The following FLG2 variants were observed in gnomAD, a reference collection of about 807,000 sequenced individuals.
The protein encoded by FLG2 is filaggrin-2.
FLG2 carries 7 observed loss-of-function variants against 3.9 expected under a neutral mutation model. The observed-to-expected ratio is 1.79, with a 90% CI of 1.02 to 3.36. The LOEUF is 3.36. Among genes scored for constraint, FLG2 ranks in the 30% most tolerant of loss-of-function variants. The pLI, the probability that FLG2 is intolerant of heterozygous loss-of-function variation, is 0.00. For synonymous variants in FLG2, 1,031 were observed against 1,056.1 expected (o/e 0.98, Z 0.46); for missense variants, 2,700 against 2,809.4 (o/e 0.96, Z 0.88).
In FLG2 at chr1:152,356,979, A is replaced by C. The variant is rs557532217; in HGVS notation, c.807T>G (p.Gly269=). 1.6e-4 allele frequency: 251 copies of C among 1,614,186 alleles called. 2 individuals are homozygous for C. The South Asian group carries it at 2.6e-3, about 16-fold the overall frequency. Residue 269 remains glycine, a synonymous_variant, in exon 3 of 3, where the codon GGT becomes GGG. Coordinates refer to ENST00000388718, the MANE Select transcript of FLG2 (RefSeq NM_001014342.3). ...REQKLGSSCS[G]SGDSGRRSHA... is the part of the protein sequence containing the mutation. The stretch of plus-strand genomic sequence containing the variant: ...GACTTCGCCTCCCACTGTCTCCTGA[A>C]CCTGAACAGCTAGACCCAAGCTTTT...
In FLG2 at chr1:152,353,698, G is replaced by A; in HGVS notation, c.4088C>T (p.Pro1363Leu). Residue 1363 changes from proline (P) to leucine (L), a missense_variant, in exon 3 of 3, where the codon CCA becomes CTA. Transcript: ENST00000388718. The part of the protein sequence containing the change: ...SEVHSGVSHR[P>L]HSQEQTHSQA... ...GCTGTGAGTTTGTTCTTGTGAGTGT[G>A]GTCTATGTGAGACCCCTGAGTGCAC... 6.2e-7 allele frequency: 1 copy of A among 1,613,648 alleles called. No homozygotes were observed. The highest frequency in any genetic ancestry group is 1.3e-5 in the African/African-American group (1 of 74,848).
intron 1 of FLG2, among the ~76,000 whole-genome samples, chr1:152,359,426 G>C (rs1168199183): frequency 3.3e-5 from 5 of 152,194 alleles, no homozygotes; most frequent in East Asian, 1.9e-4. Flanking sequence ...GCTCAAAATA[G>C]CTTGGTGTTT....
rs1157344157 is a variant in FLG2, at chr1:152,350,591, C to G, written c.*19G>C. On this transcript the variant is annotated 3_prime_UTR_variant, in exon 3 of 3. Coordinates refer to ENST00000388718, the MANE Select transcript of FLG2 (RefSeq NM_001014342.3). ...TTAGTTGCTTTGGATACTATAAGGT[C>G]AGAACTAGAAAATAACTGTCAATGT... The G allele has an allele frequency of 6.2e-7, 1 of 1,600,018 alleles. No individual in the cohort carries two copies.
At chr1:152,358,408 G>T (rs1048250750) in intron 2 of FLG2, among the ~76,000 whole-genome samples, 5 of 152,008 alleles carry the variant, frequency 3.3e-5, no homozygotes, top group Admixed American at 3.3e-4. Context: ...CTATGTAGAT[G>T]ATTTCCCTTT....
In FLG2 at chr1:152,356,445, A is replaced by G. The variant is rs1428619058; in HGVS notation, c.1341T>C (p.Cys447=). 1 of 1,614,130 alleles carries G rather than the reference A, an allele frequency of 6.2e-7. No homozygotes were observed. The highest frequency in any genetic ancestry group is 8.5e-7 in the Non-Finnish European group (1 of 1,180,048). The change falls in exon 3 of 3, where the codon TGT becomes TGC. Residue 447 remains cysteine, a synonymous_variant. Coordinates refer to ENST00000388718, the MANE Select transcript of FLG2 (RefSeq NM_001014342.3). ...GCTGGCCACAAGTTTGACCTGAGCCACATACATGTTGTTCGAACCCAGAGG... is the reference window on the plus strand; with the variant it reads ...GCTGGCCACAAGTTTGACCTGAGCCGCATACATGTTGTTCGAACCCAGAGG... ...SQSSGFEQHV[C]GSGQTCGQHE...
At position 152,355,301 on chromosome 1, in the gene FLG2, G is replaced by A. The variant is rs565867290; in HGVS notation, c.2485C>T (p.Gln829Ter). 2.5e-6 allele frequency: 4 copies of A among 1,613,276 alleles called. No homozygotes were observed. In the South Asian group the frequency reaches 4.4e-5, roughly 18 times the overall value. The change falls in exon 3 of 3, where the codon CAA becomes TAA. Residue 829 changes from glutamine to a stop codon, truncating the protein, a stop_gained. Transcript: ENST00000388718. LOFTEE classifies it low-confidence loss of function (END_TRUNC). ...TCATGCTGTCCAAAGCCAGAGGATTGTCCTGAGCCAGACCCATGTTGTCCA... is the reference window on the plus strand; with the variant it reads ...TCATGCTGTCCAAAGCCAGAGGATTATCCTGAGCCAGACCCATGTTGTCCA... The part of the protein sequence containing the change: ...GFGQHGSGSG[Q>*]SSGFGQHESR...
chr1:152,356,957 T>C lies in FLG2; in HGVS notation c.829A>G (p.Ser277Gly), dbSNP rs144255767. ...CSGSGDSGRR[S>G]HACGYSNSSG... ...GAATTGCTATAACCACATGCATGAC[T>C]TCGCCTCCCACTGTCTCCTGAACCT... Residue 277 changes from serine (S) to glycine (G), a missense_variant, in exon 3 of 3, where the codon AGT (serine) becomes GGT (glycine). Ser to Gly is a moderately conservative substitution (Grantham distance 56). Coordinates refer to ENST00000388718, the MANE Select transcript of FLG2 (RefSeq NM_001014342.3). The C allele has an allele frequency of 1.5e-5, 25 of 1,614,210 alleles. No homozygotes were observed. In the African/African-American group the frequency reaches 2.9e-4, roughly 19 times the overall value.
intron 2 of FLG2, 122 bp downstream of exon 2, chr1:152,358,625 A>C: frequency 1.1e-6 from 1 of 901,360 alleles, no homozygotes; most frequent in Non-Finnish European, 1.6e-6. Flanking sequence ...GCATCCCCAA[A>C]ATACCACTCA....
rs1653997709 is a variant in FLG2, at chr1:152,352,656, A to G, written c.5130T>C (p.His1710=). Residue 1710 remains histidine, a synonymous_variant, in exon 3 of 3, where the codon CAT becomes CAC. Coordinates refer to ENST00000388718, the MANE Select transcript of FLG2 (RefSeq NM_001014342.3). ...TGGACCCTGTCTGTGTGGTTAATCC[A>G]TGATGATAGTGGGCATGTCTAGTGG... The part of the protein sequence containing the change: ...GDTTRHAHYH[H]GLTTQTGSRT... The G allele has an allele frequency of 1.2e-6, 2 of 1,613,718 alleles. No individual in the cohort carries two copies. The highest frequency in any genetic ancestry group is 4.5e-5 in the East Asian group (2 of 44,832).
At position 152,354,379 on chromosome 1, in the gene FLG2, C is replaced by G. The variant is rs1316604101; in HGVS notation, c.3407G>C (p.Gly1136Ala). The change falls in exon 3 of 3, where the codon GGT (glycine) becomes GCT (alanine). Residue 1136 changes from glycine (G) to alanine (A), a missense_variant. Gly to Ala is a moderately conservative substitution (Grantham distance 60). Coordinates refer to ENST00000388718, the MANE Select transcript of FLG2 (RefSeq NM_001014342.3). ...ATGCTGTGCAAAGCCAGAGGATTTA[C>G]CTGTGCCTGACCCATGTTGTCCAAA... Reference protein sequence around the residue: ...SGFGQHGSGTGKSSGFAQHEY... With the variant: ...SGFGQHGSGTAKSSGFAQHEY... The G allele has an allele frequency of 6.2e-7, 1 of 1,613,996 alleles. No homozygotes were observed.
chr1:152,359,632 G>A (rs1654374317), intron 1 of FLG2, among the ~76,000 whole-genome samples: 1 of 152,166 alleles, frequency 6.6e-6, no homozygotes. Flanking sequence ...AACAGACCCA[G>A]CTGCCTCCCA....
chr1:152,355,063 G>A lies in FLG2; in HGVS notation c.2723C>T (p.Ser908Phe), dbSNP rs1490378859. Residue 908 changes from serine (S) to phenylalanine (F), a missense_variant, in exon 3 of 3, where the codon TCT becomes TTT. Transcript: ENST00000388718. ...TCTAGACTCATGTTGTCCAAAACCA[G>A]AGTATTGTCCTGAGCCAGTCCCATG... Reference protein sequence around the residue: ...GQHGTGSGQYSGFGQHESRSH... With the variant: ...GQHGTGSGQYFGFGQHESRSH... 3.2e-6 allele frequency: 5 copies of A among 1,546,646 alleles called. No individual in the cohort carries two copies. The highest frequency in any genetic ancestry group is 4.4e-6 in the Non-Finnish European group (5 of 1,148,576).
At position 152,356,917 on chromosome 1, in the gene FLG2, C is replaced by T. The variant is rs759360804; in HGVS notation, c.869G>A (p.Arg290Lys). 2 of 1,614,068 alleles carry T rather than the reference C, an allele frequency of 1.2e-6. No individual in the cohort carries two copies. Among genetic ancestry groups the T allele is most frequent in the Non-Finnish European group, 8.5e-7 (1 of 1,180,046 alleles). Residue 290 changes from arginine (R) to lysine (K), a missense_variant, in exon 3 of 3, where the codon AGG becomes AAG. Coordinates refer to ENST00000388718, the MANE Select transcript of FLG2 (RefSeq NM_001014342.3). ...CGYSNSSGCGRPQNASSSCQS... is the reference protein window; with the variant it reads ...CGYSNSSGCGKPQNASSSCQS... Reference sequence around the variant, plus strand: ...ACAAGAACTTGAAGCATTTTGTGGCCTTCCACACCCACTTGAATTGCTATA... The same window carrying T: ...ACAAGAACTTGAAGCATTTTGTGGCTTTCCACACCCACTTGAATTGCTATA...
Position 152,356,334 on chromosome 1 carries a change from A to C in FLG2, c.1452T>G (p.Ser484=). ...CAAAGCCAGAGGACTGACCTGAGCC[A>C]GACCCATGTTGTCCAAAGCCAGATG... The part of the protein sequence containing the change: ...GKTSGFGQHG[S]GSGQSSGFGQ... Residue 484 remains serine, a synonymous_variant, in exon 3 of 3, where the codon TCT becomes TCG. Coordinates refer to ENST00000388718, the MANE Select transcript of FLG2 (RefSeq NM_001014342.3). 2.5e-6 allele frequency: 4 copies of C among 1,613,812 alleles called. No individual in the cohort carries two copies. The highest frequency in any genetic ancestry group is 3.4e-6 in the Non-Finnish European group (4 of 1,179,950).
chr1:152,355,419 T>C lies in FLG2; in HGVS notation c.2367A>G (p.Arg789=). ...QSSGYGQHGS[R]QTSGFGQHGS... ...CATGTTGTCCAAAGCCAGATGTCTG[T>C]CTAGACCCATGTTGGCCATAGCCAG... is the stretch of plus-strand genomic sequence containing the variant. The change falls in exon 3 of 3, where the codon AGA becomes AGG. Residue 789 remains arginine (R), a synonymous_variant. Coordinates refer to ENST00000388718, the MANE Select transcript of FLG2 (RefSeq NM_001014342.3). 2 of 1,609,006 alleles carry C rather than the reference T, an allele frequency of 1.2e-6. No homozygotes were observed. The highest frequency in any genetic ancestry group is 1.7e-6 in the Non-Finnish European group (2 of 1,178,860).
intron 2 of FLG2, 119 bp downstream of exon 2, chr1:152,358,628 A>G: frequency 1.1e-6 from 1 of 908,982 alleles, no homozygotes; most frequent in Non-Finnish European, 1.6e-6. Context: ...TCCCCAAAAT[A>G]CCACTCATAG....
rs762728891 is a variant in FLG2, at chr1:152,356,116, C to T, written c.1670G>A (p.Gly557Asp). The stretch of plus-strand genomic sequence containing the variant: ...AGATGTCTCTCTAGACCCATATTGG[C>T]CATAGCCAGATGATTGACTTGAGCC... ...GSGSSQSSGY[G>D]QYGSRETSGF... The change falls in exon 3 of 3, where the codon GGC becomes GAC. Residue 557 changes from glycine (G) to aspartate (D), a missense_variant. Physicochemically the swap from Gly to Asp is moderately conservative, Grantham distance 94. Transcript: ENST00000388718. 6.2e-7 allele frequency: 1 copy of T among 1,613,068 alleles called. No individual in the cohort carries two copies. Among genetic ancestry groups the T allele is most frequent in the African/African-American group, 1.3e-5 (1 of 74,608 alleles).
chr1:152,352,568 C>T lies in FLG2; in HGVS notation c.5218G>A (p.Val1740Ile), dbSNP rs1653992594. The T allele has an allele frequency of 1.9e-6, 3 of 1,612,364 alleles. No homozygotes were observed. The highest frequency in any genetic ancestry group is 1.6e-4 in the Middle Eastern group (1 of 6,072). The part of the protein sequence containing the change: ...EYSDSEGYSG[V>I]SHTHSGHTHG... ...GTGTGTCCTGAATGTGTATGTGAGACTCCTGAGTACCCTTCACTGTCACTG... is the reference window on the plus strand; with the variant it reads ...GTGTGTCCTGAATGTGTATGTGAGATTCCTGAGTACCCTTCACTGTCACTG... The change falls in exon 3 of 3, where the codon GTC becomes ATC. Residue 1740 changes from valine to isoleucine, a missense_variant. By Grantham distance (29) the Val-to-Ile change is conservative. Transcript: ENST00000388718.
In FLG2 at chr1:152,355,361, G is replaced by C; in HGVS notation, c.2425C>G (p.Gln809Glu). The change falls in exon 3 of 3, where the codon CAA becomes GAA. Residue 809 changes from glutamine to glutamate, a missense_variant. Transcript: ENST00000388718. ...SGSSQSTGFG[Q>E]YGSGSGQSAG... ...GACTGACCTGAGCCTGATCCATATT[G>C]GCCAAAGCCAGTGGATTGACTTGAG... 1.2e-6 allele frequency: 2 copies of C among 1,613,612 alleles called. No homozygotes were observed. The highest frequency in any genetic ancestry group is 1.7e-6 in the Non-Finnish European group (2 of 1,179,864).
Sources: allele counts gnomAD v4.1 joint callset (sites outside exome capture counted in the v4.1 genomes callset), GRCh38; gene constraint gnomAD v4.1.1; transcripts MANE v1.5; gene names NCBI Gene and HGNC (gene_info 2026-07-23, HGNC 2026-07-21).